The following CEP192 variants were observed in gnomAD, a reference collection of about 807,000 sequenced individuals.
CEP192 encodes centrosomal protein 192.
CEP192 carries 151 observed loss-of-function variants against 271.8 expected under a neutral mutation model. The ratio of observed to expected loss-of-function variants is 0.56; its 90% CI spans 0.49 to 0.64. CEP192 has a LOEUF of 0.64. Among genes scored for constraint, CEP192 ranks in the 30% least tolerant of loss-of-function variants. CEP192 has a pLI of 0.00. For missense variants in CEP192, 2,910 were observed against 3,020.5 expected, an observed-to-expected ratio of 0.96 and a Z score of 0.86; for synonymous variants, 995 against 1,076.5, an observed-to-expected ratio of 0.92 and a Z score of 1.48.
intron 9 of CEP192, among the ~76,000 whole-genome samples, chr18:13,025,751 A>ATCAT (rs2035259925): frequency 6.6e-6 from 1 of 152,160 alleles, no homozygotes; most frequent in African/African-American, 2.4e-5. Context: ...TATCATTGCT[A>ATCAT]TCATTCATTT....
At chr18:13,116,918 T>C (rs1205581431) in intron 43 of CEP192, among the ~76,000 whole-genome samples, 2 of 152,092 alleles carry the variant, frequency 1.3e-5, no homozygotes, top group African/African-American at 4.8e-5. Flanking sequence ...CATAATGAAG[T>C]AATTTTTAAA....
intron 30 of CEP192, among the ~76,000 whole-genome samples, chr18:13,074,490 G>T (rs993413669): frequency 2.0e-5 from 3 of 152,138 alleles, no homozygotes; most frequent in African/African-American, 7.2e-5. Context: ...ATTTGTTTAG[G>T]TTTACTAGCC....
In CEP192 at chr18:13,040,952, T is replaced by G. The variant is rs1264426740; in HGVS notation, c.1932T>G (p.Tyr644Ter). The change falls in exon 14 of 45, where the codon TAT (tyrosine) becomes TAG (stop). Residue 644 changes from tyrosine to a stop codon, truncating the protein, a stop_gained. Transcript: ENST00000506447. LOFTEE classifies it high-confidence loss of function. ...TGGCTCATCTTAACCATGATCTATA[T>G]TCAGGTAATGGATTCAATGAAGGGG... ...KEMAHLNHDLYSGDLNEQSQA... is the reference protein window; with the variant it reads ...KEMAHLNHDL 1 of 1,605,368 alleles carries G rather than the reference T, an allele frequency of 6.2e-7. No individual in the cohort carries two copies. The highest frequency in any genetic ancestry group is 1.7e-5 in the Admixed American group (1 of 58,138).
At chr18:13,091,987 C>A (rs1219734955) in intron 33 of CEP192, among the ~76,000 whole-genome samples, 1 of 152,166 alleles carries the variant, frequency 6.6e-6, no homozygotes, top group Non-Finnish European at 1.5e-5. Flanking sequence ...GGGATTAGAA[C>A]AATGTCCACA....
intron 36 of CEP192, 128 bp from the exon 37 acceptor site, chr18:13,099,348 C>G: frequency 1.7e-6 from 1 of 584,372 alleles, no homozygotes; most frequent in Non-Finnish European, 3.0e-6. Flanking sequence ...TGGGAGTGAG[C>G]TCTGTTCTCT....
intron 21 of CEP192, among the ~76,000 whole-genome samples, chr18:13,065,214 A>G (rs752878268): frequency 1.3e-5 from 2 of 152,062 alleles, no homozygotes; most frequent in African/African-American, 4.8e-5. Flanking sequence ...TTTAATAACA[A>G]TACATATACC....
intron 40 of CEP192, among the ~76,000 whole-genome samples, chr18:13,105,651 G>A (rs78896727): frequency 0.025 from 3,839 of 152,240 alleles, 75 homozygotes; most frequent in Middle Eastern, 0.051. Context: ...AGAACTGACC[G>A]TAAAAGAATC....
intron 2 of CEP192, chr18:13,000,211 A>G (rs9783903): frequency 0.71 from 106,361 of 150,834 alleles, 38,658 homozygotes; most frequent in African/African-American, 0.89. Flanking sequence ...TCCTGCCTCA[A>G]CTTCCCAAAG....
rs1296909013 is a variant in CEP192, at chr18:12,991,444, G to C, written c.-5+7G>C. 1 of 152,996 alleles carries C rather than the reference G, an allele frequency of 6.5e-6. No individual in the cohort carries two copies. The highest frequency in any genetic ancestry group is 1.5e-5 in the Non-Finnish European group (1 of 68,692). 9.5% of individuals were successfully genotyped at this position (152,996 alleles called of 1,614,324 possible). On this transcript the variant is annotated splice_region_variant and intron_variant, in intron 1 of 44. Transcript: ENST00000506447. Reference sequence around the variant, plus strand: ...AGTCGGGGACGCGGGCTCGGTGAGGGGGGACGCTGGTGCCTCGGCCTGCGC... The same window carrying C: ...AGTCGGGGACGCGGGCTCGGTGAGGCGGGACGCTGGTGCCTCGGCCTGCGC...
chr18:13,102,834 C>G (rs2039777011), intron 38 of CEP192, among the ~76,000 whole-genome samples: 1 of 152,188 alleles, frequency 6.6e-6, no homozygotes, highest in Non-Finnish European at 1.5e-5. Flanking sequence ...GCCTGTGACT[C>G]TCATGACTTC....
chr18:13,032,150 G>A (rs2035667267), intron 11 of CEP192, among the ~76,000 whole-genome samples: 1 of 152,178 alleles, frequency 6.6e-6, no homozygotes, highest in South Asian at 2.1e-4. Context: ...GGTTGTTTGG[G>A]ATAGTTCTTA....
At position 13,096,320 on chromosome 18, in the gene CEP192, T is replaced by C. The variant is rs746968973; in HGVS notation, c.6557+13T>C. ...GTGTCGCGCCAGAGTAAGTCTGACT[T>C]CTGTGTTGCTCTGCGTGTTACTTAG... is the stretch of plus-strand genomic sequence containing the variant. On this transcript the variant is annotated intron_variant, in intron 36 of 44. Coordinates refer to ENST00000506447, the MANE Select transcript of CEP192 (RefSeq NM_032142.4). 1 of 1,607,530 alleles carries C rather than the reference T, an allele frequency of 6.2e-7. No individual in the cohort carries two copies. The highest frequency in any genetic ancestry group is 8.5e-7 in the Non-Finnish European group (1 of 1,175,924).
intron 15 of CEP192, among the ~76,000 whole-genome samples, chr18:13,047,234 A>G (rs68051414): frequency 0.1 from 15,621 of 152,154 alleles, 957 homozygotes; most frequent in East Asian, 0.26. Context: ...AGCTGATTGG[A>G]GCTGAGCCTC....
At chr18:13,035,168 A>G (rs1468399484) in intron 11 of CEP192, among the ~76,000 whole-genome samples, 4 of 152,230 alleles carry the variant, frequency 2.6e-5, no homozygotes, top group Non-Finnish European at 5.9e-5. Context: ...AAAAGCATTT[A>G]GGAATATAAT....
intron 39 of CEP192, among the ~76,000 whole-genome samples, chr18:13,104,269 G>A (rs1000693202): frequency 6.6e-5 from 10 of 152,140 alleles, no homozygotes; most frequent in Admixed American, 4.6e-4. Context: ...CCCAGCCAGC[G>A]GTGCAGGAAA....
At chr18:13,086,647 C>T (rs971632612) in intron 30 of CEP192, among the ~76,000 whole-genome samples, 1 of 152,176 alleles carries the variant, frequency 6.6e-6, no homozygotes, top group African/African-American at 2.4e-5. Flanking sequence ...TGCCAGCCAC[C>T]AGTTCATCTT....
chr18:13,105,110 A>C, intron 40 of CEP192, 31 bp downstream of exon 40: 1 of 1,474,116 alleles, frequency 6.8e-7, no homozygotes, highest in Non-Finnish European at 9.5e-7. Context: ...CCATAGGAAC[A>C]TCATGTAAAT....
chr18:13,052,405 T>C (rs772524492), intron 17 of CEP192, among the ~76,000 whole-genome samples: 5 of 152,222 alleles, frequency 3.3e-5, no homozygotes, highest in African/African-American at 1.2e-4. Context: ...TTTTGTGAAG[T>C]CTTTATATTT....
intron 16 of CEP192, 22 bp from the exon 17 acceptor site, chr18:13,049,743 G>A: frequency 6.2e-7 from 1 of 1,606,018 alleles, no homozygotes; most frequent in Non-Finnish European, 8.5e-7. Flanking sequence ...TCTTCTTACT[G>A]GAAAATACCC....
Sources: gnomAD v4.1 joint callset for allele counts (sites outside exome capture counted in the v4.1 genomes callset) on GRCh38, gnomAD v4.1.1 for gene constraint, MANE v1.5 for transcripts, NCBI Gene and HGNC (gene_info 2026-07-23, HGNC 2026-07-21) for gene names.